Variants in BBX observed in about 807,000 individuals in gnomAD.
BBX encodes the protein BBX high mobility group box domain containing.
In BBX, 30 loss-of-function variants were observed where a neutral mutation model predicts 100.2. That is an observed-to-expected ratio of 0.30 (90% CI 0.22 to 0.41). The LOEUF is 0.41. Ranked by LOEUF, BBX falls within the 10% of genes least tolerant of loss-of-function variation. The probability of loss-of-function intolerance (pLI) is 1.00; values close to 1 mark genes in which losing one functional copy is unlikely to be tolerated. For missense variants in BBX, 1,023 were observed against 1,129.8 expected (o/e 0.91, Z 1.35); for synonymous variants, 376 against 388.1 (o/e 0.97, Z 0.37).
chr3:107,632,957 C>A (rs1432914140), intron 2 of BBX, among the ~76,000 whole-genome samples: 1 of 152,120 alleles, frequency 6.6e-6, no homozygotes, highest in East Asian at 1.9e-4. Flanking sequence ...GATTAAAAAA[C>A]AACGACAACC....
Position 107,685,831 on chromosome 3 carries a change from A to AC in BBX, c.-9-24619dup, listed in dbSNP as rs567653520. 3.0e-4 allele frequency among the ~76,000 whole-genome samples: 45 copies of AC among 152,256 alleles called. No individual in the cohort carries two copies. The South Asian group carries it at 8.9e-3, about 30-fold the overall frequency. On this transcript the variant is annotated intron_variant, in intron 3 of 17. Transcript: ENST00000325805. ...ACCACAAGGTTTTTTGTTGGTATGTACCTTTTCTTTGTGATATTCTTTCCT... is the reference window on the plus strand; with the variant it reads ...ACCACAAGGTTTTTTGTTGGTATGTACCCTTTTCTTTGTGATATTCTTTCCT...
chr3:107,697,302 C>T (rs377195024), intron 3 of BBX, among the ~76,000 whole-genome samples: 37 of 151,966 alleles, frequency 2.4e-4, no homozygotes, highest in African/African-American at 8.2e-4. Flanking sequence ...AGTTTTTCTG[C>T]TCTGTTTTTT....
chr3:107,633,085 T>G (rs2056646234), intron 2 of BBX, among the ~76,000 whole-genome samples: 1 of 152,216 alleles, frequency 6.6e-6, no homozygotes, highest in African/African-American at 2.4e-5. Flanking sequence ...AGTATAACTG[T>G]AGCTATTGTT....
chr3:107,750,194 T>C (rs2107643023), intron 9 of BBX, among the ~76,000 whole-genome samples: 1 of 152,320 alleles, frequency 6.6e-6, no homozygotes, highest in South Asian at 2.1e-4. Context: ...GAGAGAGTCA[T>C]GCAGGGTGTC....
intron 2 of BBX, among the ~76,000 whole-genome samples, chr3:107,537,229 T>G (rs2048557686): frequency 6.6e-6 from 1 of 152,182 alleles, no homozygotes; most frequent in Non-Finnish European, 1.5e-5. Flanking sequence ...GCTATTAACG[T>G]CACCATATGT....
chr3:107,790,317 A>C (rs1003556090), intron 14 of BBX, among the ~76,000 whole-genome samples: 3 of 151,974 alleles, frequency 2.0e-5, no homozygotes, highest in African/African-American at 7.3e-5. Flanking sequence ...TTCCTCTGAC[A>C]CTTGGGGATT....
intron 2 of BBX, among the ~76,000 whole-genome samples, chr3:107,559,972 G>A (rs539926124): frequency 2.0e-5 from 3 of 152,084 alleles, no homozygotes; most frequent in East Asian, 3.9e-4. Context: ...TCGAACTTCT[G>A]GGCTCAAGCA....
chr3:107,714,392 T>C (rs2061953160), intron 4 of BBX, among the ~76,000 whole-genome samples: 2 of 150,838 alleles, frequency 1.3e-5, no homozygotes, highest in Admixed American at 1.3e-4. Context: ...CACACTGCTT[T>C]TAAATTTATG....
intron 3 of BBX, among the ~76,000 whole-genome samples, chr3:107,657,627 A>G (rs952054402): frequency 1.3e-5 from 2 of 152,178 alleles, no homozygotes; most frequent in Non-Finnish European, 2.9e-5. Context: ...GGGTGTTCAC[A>G]AGAGTGCTAA....
intron 3 of BBX, among the ~76,000 whole-genome samples, chr3:107,676,130 A>G (rs186238809): frequency 7.0e-4 from 107 of 152,316 alleles, no homozygotes; most frequent in African/African-American, 2.5e-3. Flanking sequence ...TTTAAAAAAA[A>G]TTATAGAATC....
rs1473200404 is a variant in BBX at position 107,807,421 on chromosome 3, A to G, written c.*1964A>G. 6.6e-6 allele frequency: 1 copy of G among 152,206 alleles called. No individual in the cohort carries two copies. Among genetic ancestry groups the G allele is most frequent in the Non-Finnish European group, 1.5e-5 (1 of 68,032 alleles). The allele number at this position is 152,206 out of a possible 1,614,324, so 9.4% of individuals were successfully genotyped here. A position where few individuals can be genotyped will look rare whatever the true frequency, so the allele number is the denominator to read the frequency against. The stretch of plus-strand genomic sequence containing the variant: ...TTATTAATATTTTCTAAATTTCAAA[A>G]CAAAAAGTGAATGTTTGAAATTGCT... On this transcript the variant is annotated 3_prime_UTR_variant, in exon 18 of 18. Transcript: ENST00000325805.
At chr3:107,590,469 A>G (rs1447077498) in intron 2 of BBX, among the ~76,000 whole-genome samples, 2 of 152,202 alleles carry the variant, frequency 1.3e-5, no homozygotes, top group South Asian at 2.1e-4. Flanking sequence ...TTCGAACCCT[A>G]GAAATTATTC....
chr3:107,786,595 C>T (rs537058991), intron 13 of BBX, among the ~76,000 whole-genome samples: 3 of 152,198 alleles, frequency 2.0e-5, no homozygotes, highest in Non-Finnish European at 4.4e-5. Context: ...TGAGTATCTA[C>T]ATTCAAATGA....
chr3:107,801,549 TATC>T (rs1194264392), intron 17 of BBX, among the ~76,000 whole-genome samples: 1 of 152,206 alleles, frequency 6.6e-6, no homozygotes, highest in African/African-American at 2.4e-5. Context: ...GAAGCAGTAT[TATC>T]TGACCAATGA....
intron 3 of BBX, among the ~76,000 whole-genome samples, chr3:107,676,430 T>A (rs988942381): frequency 3.3e-5 from 5 of 152,198 alleles, no homozygotes; most frequent in Non-Finnish European, 5.9e-5. Flanking sequence ...ATGGTACCAC[T>A]TTCACAGCTT....
At chr3:107,589,450 A>G (rs1198406923) in intron 2 of BBX, among the ~76,000 whole-genome samples, 4 of 152,156 alleles carry the variant, frequency 2.6e-5, no homozygotes, top group Non-Finnish European at 5.9e-5. Context: ...TTGCTTCCAG[A>G]TTACCCTATT....
At chr3:107,627,924 T>C (rs1346631968) in intron 2 of BBX, among the ~76,000 whole-genome samples, 1 of 152,080 alleles carries the variant, frequency 6.6e-6, no homozygotes, top group African/African-American at 2.4e-5. Flanking sequence ...CAATGAGTTT[T>C]TTTCTCACTA....
intron 2 of BBX, among the ~76,000 whole-genome samples, chr3:107,588,680 C>A (rs2053050974): frequency 1.3e-5 from 2 of 152,072 alleles, no homozygotes; most frequent in Non-Finnish European, 2.9e-5. Context: ...AGATTCTGTT[C>A]ATTGATGTTT....
At chr3:107,744,608 A>C in intron 7 of BBX, 22 bp from the exon 8 acceptor site, 2 of 1,564,688 alleles carry the variant, frequency 1.3e-6, no homozygotes, top group South Asian at 2.2e-5. Flanking sequence ...AAAAGAAAAT[A>C]TGATATCTTT....
Sources: allele counts gnomAD v4.1 joint callset (sites outside exome capture counted in the v4.1 genomes callset), GRCh38; gene constraint gnomAD v4.1.1; transcripts MANE v1.5; gene names NCBI Gene and HGNC (gene_info 2026-07-23, HGNC 2026-07-21).